Variants in PCDH11Y observed in about 807,000 individuals in gnomAD.
The protein encoded by PCDH11Y is protocadherin-11 Y-linked.
For synonymous variants in PCDH11Y, 9 were observed against 83.6 expected (o/e 0.11, Z 4.87); for missense variants, 12 against 224.8 (o/e 0.05, Z 6.05).
intron 3 of PCDH11Y, among the ~76,000 whole-genome samples, chrY:5,581,044 T>C: frequency 3.1e-5 from 1 of 32,700 alleles, no homozygotes; most frequent in Non-Finnish European, 7.6e-5. Flanking sequence ...AACATACAAT[T>C]ATTTTGTTTA....
chrY:5,108,513 C>T (rs1602868860), downstream of PCDH11Y, among the ~76,000 whole-genome samples: 47 of 31,153 alleles, frequency 1.5e-3, no homozygotes, highest in African/African-American at 5.0e-3. Context: ...TTTGGGAGGC[C>T]AAGGCGGGAG....
intron 2 of PCDH11Y, among the ~76,000 whole-genome samples, chrY:5,117,966 C>CACATAT (rs2052813391): frequency 1.3e-4 from 4 of 30,411 alleles, no homozygotes; most frequent in African/African-American, 5.1e-4. Flanking sequence ...ATACATTATA[C>CACATAT]ACATATACAT....
intron 4 of PCDH11Y, among the ~76,000 whole-genome samples, chrY:5,597,671 C>A: frequency 6.4e-5 from 2 of 31,477 alleles, no homozygotes; most frequent in South Asian, 1.4e-3. Context: ...ATGGCATTTG[C>A]AGCAGCCTGG....
intron 2 of PCDH11Y, among the ~76,000 whole-genome samples, chrY:5,314,565 A>G: frequency 7.2e-5 from 2 of 27,836 alleles, no homozygotes; most frequent in Non-Finnish European, 1.7e-4. Flanking sequence ...TCAGTATTTT[A>G]ATAACATTGC....
At chrY:5,139,313 C>T (rs2052845020) in intron 2 of PCDH11Y, among the ~76,000 whole-genome samples, 1 of 32,865 alleles carries the variant, frequency 3.0e-5, no homozygotes, top group Non-Finnish European at 7.5e-5. Flanking sequence ...GGAAAGAATT[C>T]CCCCTGAGAA....
chrY:5,677,882 G>T, intron 4 of PCDH11Y, among the ~76,000 whole-genome samples: 1 of 32,284 alleles, frequency 3.1e-5, no homozygotes, highest in Admixed American at 2.8e-4. Context: ...AAGTAGAAAA[G>T]ATAAGAATAA....
At chrY:5,674,776 C>T in intron 4 of PCDH11Y, among the ~76,000 whole-genome samples, 1 of 33,418 alleles carries the variant, frequency 3.0e-5, no homozygotes, top group South Asian at 6.6e-4. Context: ...AGTTTGGAGA[C>T]GTCTGAGGTC....
intron 2 of PCDH11Y, among the ~76,000 whole-genome samples, chrY:5,213,902 G>A (rs2052942401): frequency 1.8e-4 from 6 of 32,558 alleles, no homozygotes; most frequent in South Asian, 7.3e-4. Context: ...GGCAGATCAC[G>A]AGGTCAGGAG....
At chrY:5,547,997 T>A in intron 3 of PCDH11Y, among the ~76,000 whole-genome samples, 1 of 29,224 alleles carries the variant, frequency 3.4e-5, no homozygotes, top group South Asian at 7.7e-4. Context: ...GTCTATCGAC[T>A]CAATCTACAC....
At chrY:5,541,467 TAGAGTA>T (rs2053406520) in intron 3 of PCDH11Y, among the ~76,000 whole-genome samples, 1 of 32,977 alleles carries the variant, frequency 3.0e-5, no homozygotes. Context: ...TTGAAGATAA[TAGAGTA>T]AGGCAGGAGC....
chrY:5,046,760 C>G, intron 3 of PCDH11Y, among the ~76,000 whole-genome samples: 1 of 32,940 alleles, frequency 3.0e-5, no homozygotes, highest in Non-Finnish European at 7.5e-5. Flanking sequence ...TAGCAATCAG[C>G]GAGACTCCGT....
At chrY:5,102,673 T>C, downstream of PCDH11Y, among the ~76,000 whole-genome samples, 1 of 32,480 alleles carries the variant, frequency 3.1e-5, no homozygotes, top group Non-Finnish European at 7.6e-5. Flanking sequence ...TATTTTGTAA[T>C]CCTAAAAAGT....
Position 5,421,097 on chromosome Y carries a change from G to A in PCDH11Y, c.3130-79960G>A, listed in dbSNP as rs576538990. Among the ~76,000 whole-genome samples, 146 of 27,761 alleles carry A rather than the reference G, an allele frequency of 5.3e-3. No individual in the cohort carries two copies. The South Asian group carries it at 0.13, about 25-fold the overall frequency. The allele number at this position is 27,761 out of a possible 37,273, so 74.5% of individuals were successfully genotyped here. On this transcript the variant is annotated intron_variant, in intron 2 of 4. Transcript: ENST00000400457. ...ACACACACACACACACAAATTAGCC[G>A]AGCGTGGTCGTGCGTGCCTGTAATC...
intron 4 of PCDH11Y, among the ~76,000 whole-genome samples, chrY:5,594,059 T>C: frequency 3.0e-5 from 1 of 32,980 alleles, no homozygotes; most frequent in Admixed American, 2.7e-4. Flanking sequence ...GCAGGGCACC[T>C]AGTGGGTATT....
At chrY:5,093,478 C>T (rs2052744613) in intron 1 of PCDH11Y, among the ~76,000 whole-genome samples, 1 of 32,660 alleles carries the variant, frequency 3.1e-5, no homozygotes, top group Non-Finnish European at 7.6e-5. Context: ...TATTTTCTTC[C>T]CTGATTTTTG....
At chrY:5,723,236 A>T in intron 4 of PCDH11Y, among the ~76,000 whole-genome samples, 1 of 32,221 alleles carries the variant, frequency 3.1e-5, no homozygotes, top group African/African-American at 1.2e-4. Flanking sequence ...AGGTTAAAAA[A>T]ATATAATTTA....
At chrY:5,491,407 G>A in intron 2 of PCDH11Y, among the ~76,000 whole-genome samples, 1 of 33,121 alleles carries the variant, frequency 3.0e-5, no homozygotes. Context: ...CTTCTGAGAG[G>A]TGCGCTTTCA....
chrY:5,726,259 C>A (rs1295893985), intron 4 of PCDH11Y, among the ~76,000 whole-genome samples: 1 of 29,015 alleles, frequency 3.4e-5, no homozygotes, highest in East Asian at 8.9e-4. Context: ...GTCCATGATC[C>A]GATGAATGGA....
intron 2 of PCDH11Y, among the ~76,000 whole-genome samples, chrY:5,162,444 C>A (rs2052875376): frequency 3.1e-5 from 1 of 32,657 alleles, no homozygotes; most frequent in Non-Finnish European, 7.6e-5. Context: ...ATCTGGAAGC[C>A]AACACAGTGA....
Sources: gnomAD v4.1 joint callset for allele counts (sites outside exome capture counted in the v4.1 genomes callset) on GRCh38, gnomAD v4.1.1 for gene constraint, MANE v1.5 for transcripts, NCBI Gene and HGNC (gene_info 2026-07-23, HGNC 2026-07-21) for gene names.